Variants in ACAT2 observed in about 807,000 individuals in gnomAD.
The protein encoded by ACAT2 is acetyl-CoA acetyltransferase 2, also known as acetyl-CoA acetyltransferase, cytosolic.
ACAT2 carries 26 observed loss-of-function variants against 37.1 expected under a neutral mutation model. That is an observed-to-expected ratio of 0.70 (90% confidence interval 0.51 to 0.97). The LOEUF is 0.97. Ranked by LOEUF, ACAT2 falls within the 50% of genes least tolerant of loss-of-function variation. The pLI is 0.00. For missense variants in ACAT2, 468 were observed against 489.0 expected (o/e 0.96, Z 0.40); for synonymous variants, 156 against 163.6 (o/e 0.95, Z 0.35).
intron 4 of ACAT2, among the ~76,000 whole-genome samples, chr6:159,772,742 A>G (rs555936118): frequency 5.2e-4 from 79 of 151,608 alleles, no homozygotes; most frequent in Middle Eastern, 3.4e-3. Context: ...ATAGTATACT[A>G]TGGTTGATTT....
Position 159,767,081 on chromosome 6 carries a change from G to T in ACAT2, c.267G>T (p.Gln89His), listed in dbSNP as rs375299584. Residue 89 changes from glutamine (Q) to histidine (H), a missense_variant, in exon 3 of 9, where the codon CAG becomes CAT. By Grantham distance (24) the Gln-to-His change is conservative. Coordinates refer to ENST00000367048, the MANE Select transcript of ACAT2 (RefSeq NM_005891.3). ...ACTCTGTTCCAGCATGGAGCTGCCA[G>T]ATGATCTGTGGGTCAGGCCTAAAAG... ...IPYSVPAWSC[Q>H]MICGSGLKAV... 4 of 1,614,098 alleles carry T rather than the reference G, an allele frequency of 2.5e-6. No homozygotes were observed. The highest frequency in any genetic ancestry group is 3.4e-6 in the Non-Finnish European group (4 of 1,180,030).
intron 1 of ACAT2, 157 bp downstream of exon 1, chr6:159,762,299 G>A: frequency 8.2e-7 from 1 of 1,216,754 alleles, no homozygotes; most frequent in Non-Finnish European, 1.1e-6. Context: ...TGCGGCTCCC[G>A]CGTTCCCTGA....
chr6:159,767,735 T>C (rs1780276785), intron 3 of ACAT2, among the ~76,000 whole-genome samples: 1 of 152,230 alleles, frequency 6.6e-6, no homozygotes, highest in Admixed American at 6.5e-5. Context: ...TTCCTACTGA[T>C]GCAGCTCAGG....
intron 4 of ACAT2, among the ~76,000 whole-genome samples, chr6:159,772,214 T>C (rs1780348962): frequency 6.6e-6 from 1 of 151,944 alleles, no homozygotes; most frequent in East Asian, 1.9e-4. Flanking sequence ...GCAACAAGAA[T>C]GAAACTCCAT....
intron 2 of ACAT2, among the ~76,000 whole-genome samples, chr6:159,765,424 C>T (rs182666815): frequency 1.6e-4 from 24 of 151,072 alleles, no homozygotes; most frequent in African/African-American, 5.8e-4. Flanking sequence ...CCCTGTACCT[C>T]ATTTCTTCTT....
chr6:159,777,265 T>A, intron 6 of ACAT2, 37 bp from the exon 7 acceptor site: 1 of 1,594,966 alleles, frequency 6.3e-7, no homozygotes, highest in Non-Finnish European at 8.5e-7. Flanking sequence ...CTGAGGTTAA[T>A]AAGCATGGTA....
Position 159,767,042 on chromosome 6 carries a change from T to A in ACAT2, c.228T>A (p.Gly76=). The A allele has an allele frequency of 1.9e-6, 3 of 1,614,102 alleles. No individual in the cohort carries two copies. The highest frequency in any genetic ancestry group is 2.5e-6 in the Non-Finnish European group (3 of 1,179,944). The part of the protein sequence containing the change: ...GQNPVRQASV[G]AGIPYSVPAW... ...ATCCTGTTAGACAAGCCAGTGTGGG[T>A]GCAGGAATTCCCTACTCTGTTCCAG... The change falls in exon 3 of 9, where the codon GGT becomes GGA. Residue 76 remains glycine, a synonymous_variant. Transcript: ENST00000367048.
intron 4 of ACAT2, among the ~76,000 whole-genome samples, chr6:159,770,988 C>A (rs1442891067): frequency 6.6e-6 from 1 of 152,052 alleles, no homozygotes; most frequent in African/African-American, 2.4e-5. Context: ...TAGCTTGAAC[C>A]CAGGAGGTGG....
chr6:159,772,417 G>A (rs972558917), intron 4 of ACAT2, among the ~76,000 whole-genome samples: 2 of 152,100 alleles, frequency 1.3e-5, no homozygotes, highest in African/African-American at 4.8e-5. Context: ...TTCAGAAATA[G>A]ACCCAGACTT....
At chr6:159,762,177 G>A in intron 1 of ACAT2, 35 bp downstream of exon 1, 2 of 1,597,476 alleles carry the variant, frequency 1.3e-6, no homozygotes, top group Non-Finnish European at 1.7e-6. Context: ...AGAGTCCGAG[G>A]CGCCTGCTGC....
rs541368544 is a variant in ACAT2 at position 159,778,155 on chromosome 6, G to A, written c.913-15G>A. 1 of 1,572,892 alleles carries A rather than the reference G, an allele frequency of 6.4e-7. No individual in the cohort carries two copies. The highest frequency in any genetic ancestry group is 1.7e-5 in the Admixed American group (1 of 57,888). ...ACCCAAGTTTAGACCTCTTTTCTATGAATCTTTCCTCTAGGTTACAAAAGC... is the reference window on the plus strand; with the variant it reads ...ACCCAAGTTTAGACCTCTTTTCTATAAATCTTTCCTCTAGGTTACAAAAGC... On this transcript the variant is annotated splice_polypyrimidine_tract_variant and intron_variant, in intron 7 of 8. Coordinates refer to ENST00000367048, the MANE Select transcript of ACAT2 (RefSeq NM_005891.3).
chr6:159,778,399 A>T, intron 8 of ACAT2, 119 bp downstream of exon 8: 1 of 601,254 alleles, frequency 1.7e-6, no homozygotes, highest in Non-Finnish European at 2.7e-6. Context: ...AGTTACTAGG[A>T]CTGAGTTCAT....
At chr6:159,778,034 C>T in intron 7 of ACAT2, 136 bp from the exon 8 acceptor site, 2 of 565,734 alleles carry the variant, frequency 3.5e-6, no homozygotes, top group East Asian at 6.0e-5. Context: ...GTGAGAATGT[C>T]ACTGTATTAA....
At chr6:159,773,663 G>T (rs1419352871) in intron 4 of ACAT2, among the ~76,000 whole-genome samples, 2 of 152,140 alleles carry the variant, frequency 1.3e-5, no homozygotes, top group African/African-American at 2.4e-5. Context: ...CCTAAATTTT[G>T]AACAATTTCA....
intron 2 of ACAT2, among the ~76,000 whole-genome samples, chr6:159,764,504 A>C (rs893250849): frequency 6.6e-6 from 1 of 152,062 alleles, no homozygotes; most frequent in Non-Finnish European, 1.5e-5. Context: ...CAGTGGTGTA[A>C]TCAATCGTAG....
chr6:159,777,795 C>G (rs546797691), intron 7 of ACAT2, among the ~76,000 whole-genome samples: 1 of 152,284 alleles, frequency 6.6e-6, no homozygotes, highest in Non-Finnish European at 1.5e-5. Context: ...ATCCTCTTGC[C>G]TTAGGCTCCC....
Position 159,762,135 on chromosome 6 carries a change from C to T in ACAT2, c.48C>T (p.Thr16=). Residue 16 remains threonine, a synonymous_variant, in exon 1 of 9, where the codon ACC becomes ACT. Coordinates refer to ENST00000367048, the MANE Select transcript of ACAT2 (RefSeq NM_005891.3). ...TGGTCATCGTCTCGGCGGCGCGGAC[C>T]ATCATAGGTGAGTGGCCGGCGGGAG... ...DPVVIVSAAR[T]IIGSFNGALA... 1 of 1,612,178 alleles carries T rather than the reference C, an allele frequency of 6.2e-7. No homozygotes were observed. The highest frequency in any genetic ancestry group is 8.5e-7 in the Non-Finnish European group (1 of 1,179,224).
In ACAT2 at chr6:159,778,881, A is replaced by C. The variant is rs1583135769; in HGVS notation, c.*52A>C. ...TTTCTTTTTAAACTAATAAAGTACT[A>C]GGTTGCAATATGTGAAATCAGAGGA... On this transcript the variant is annotated 3_prime_UTR_variant, in exon 9 of 9. Coordinates refer to ENST00000367048, the MANE Select transcript of ACAT2 (RefSeq NM_005891.3). 6.2e-7 allele frequency: 1 copy of C among 1,607,884 alleles called. No homozygotes were observed. The highest frequency in any genetic ancestry group is 2.2e-5 in the East Asian group (1 of 44,804).
intron 6 of ACAT2, among the ~76,000 whole-genome samples, chr6:159,776,805 T>C (rs550815368): frequency 5.9e-5 from 9 of 152,282 alleles, no homozygotes; most frequent in Middle Eastern, 3.4e-3. Context: ...TTTTTTCTTT[T>C]TGAGACGGAG....
Sources: gnomAD v4.1 joint callset for allele counts (sites outside exome capture counted in the v4.1 genomes callset) on GRCh38, gnomAD v4.1.1 for gene constraint, MANE v1.5 for transcripts, NCBI Gene and HGNC (gene_info 2026-07-23, HGNC 2026-07-21) for gene names.